ENPP1: variants seen among roughly 807,000 people sequenced by gnomAD.
The protein encoded by ENPP1 is ectonucleotide pyrophosphatase/phosphodiesterase family member 1.
In ENPP1, 73 loss-of-function variants were observed where a neutral mutation model predicts 122.8. The ratio of observed to expected loss-of-function variants is 0.59; its 90% CI spans 0.49 to 0.72. The LOEUF is 0.72. Among genes scored for constraint, ENPP1 ranks in the 30% least tolerant of loss-of-function variants. The probability of loss-of-function intolerance (pLI) is 0.00; values close to 1 mark genes in which losing one functional copy is unlikely to be tolerated. For missense variants in ENPP1, 978 were observed against 1,128.1 expected (o/e 0.87, Z 1.91); for synonymous variants, 367 against 391.6 (o/e 0.94, Z 0.74).
At chr6:131,824,847 G>A (rs1296178026) in intron 1 of ENPP1, among the ~76,000 whole-genome samples, 1 of 152,082 alleles carries the variant, frequency 6.6e-6, no homozygotes, top group African/African-American at 2.4e-5. Context: ...GATCACTTGA[G>A]CCAAGAGTTC....
chr6:131,882,339 C>G lies in ENPP1; in HGVS notation c.2101-6C>G. 1 of 1,596,098 alleles carries G rather than the reference C, an allele frequency of 6.3e-7. No individual in the cohort carries two copies. The highest frequency in any genetic ancestry group is 8.6e-7 in the Non-Finnish European group (1 of 1,168,732). ...TCTGAGAGTTCTTCTCATTTTCGTT[C>G]TTCAGGACAGTTTCTCTACGGAAGA... On this transcript the variant is annotated splice_region_variant and splice_polypyrimidine_tract_variant and intron_variant, in intron 20 of 24. Coordinates refer to ENST00000647893, the MANE Select transcript of ENPP1 (RefSeq NM_006208.3).
At chr6:131,858,279 C>G (rs562253055) in intron 6 of ENPP1, among the ~76,000 whole-genome samples, 1 of 152,306 alleles carries the variant, frequency 6.6e-6, no homozygotes, top group Admixed American at 6.5e-5. Flanking sequence ...GTCTTCCCAG[C>G]TACTCCTTCA....
chr6:131,869,051 G>A (rs1782125159), intron 12 of ENPP1, among the ~76,000 whole-genome samples: 1 of 152,160 alleles, frequency 6.6e-6, no homozygotes, highest in Admixed American at 6.5e-5. Context: ...GTGGTTTGGG[G>A]CAAATAACTG....
intron 1 of ENPP1, chr6:131,827,633 T>C: frequency 1.7e-6 from 1 of 602,480 alleles, no homozygotes; most frequent in Non-Finnish European, 3.1e-6. Context: ...TTGACTATTA[T>C]CTGCTTCAGA....
chr6:131,881,015 T>C (rs1037036691), intron 20 of ENPP1, among the ~76,000 whole-genome samples: 1 of 152,126 alleles, frequency 6.6e-6, no homozygotes, highest in Non-Finnish European at 1.5e-5. Context: ...GATGAGATTT[T>C]GATCTTACGT....
At chr6:131,854,173 G>A (rs1203713518) in intron 5 of ENPP1, among the ~76,000 whole-genome samples, 1 of 152,114 alleles carries the variant, frequency 6.6e-6, no homozygotes, top group Admixed American at 6.6e-5. Context: ...GGGAGGCCGA[G>A]GTGGGAAGAT....
chr6:131,885,610 G>T (rs1782367544), intron 23 of ENPP1, among the ~76,000 whole-genome samples: 1 of 152,098 alleles, frequency 6.6e-6, no homozygotes, highest in South Asian at 2.1e-4. Flanking sequence ...GAAACTGGTT[G>T]ATCTTTATTG....
At chr6:131,825,070 C>G (rs963635668) in intron 1 of ENPP1, among the ~76,000 whole-genome samples, 2 of 150,180 alleles carry the variant, frequency 1.3e-5, no homozygotes, top group Non-Finnish European at 3.0e-5. Context: ...AAAAAAAAAA[C>G]AAACAAACAA....
chr6:131,864,020 A>G (rs1202844388), intron 9 of ENPP1, among the ~76,000 whole-genome samples: 1 of 152,164 alleles, frequency 6.6e-6, no homozygotes, highest in African/African-American at 2.4e-5. Flanking sequence ...AACTAATTGT[A>G]CTTGGGGTGG....
intron 2 of ENPP1, 42 bp from the exon 3 acceptor site, chr6:131,849,948 A>G (rs1302617210): frequency 2.9e-6 from 4 of 1,359,202 alleles, no homozygotes; most frequent in Non-Finnish European, 3.2e-6. Context: ...TTTGAATTAT[A>G]TAATGATTAG....
intron 15 of ENPP1, 42 bp from the exon 16 acceptor site, chr6:131,874,226 T>A: frequency 9.2e-7 from 1 of 1,089,164 alleles, no homozygotes; most frequent in South Asian, 1.3e-5. Flanking sequence ...TTATGTTTTA[T>A]GAAAGGACTT....
At chr6:131,823,797 G>A (rs1315825357) in intron 1 of ENPP1, among the ~76,000 whole-genome samples, 1 of 151,870 alleles carries the variant, frequency 6.6e-6, no homozygotes, top group South Asian at 2.1e-4. Context: ...AGTGTAAATC[G>A]CATCTCTGCC....
At chr6:131,840,986 A>G (rs937864358) in intron 1 of ENPP1, among the ~76,000 whole-genome samples, 4 of 152,146 alleles carry the variant, frequency 2.6e-5, no homozygotes, top group African/African-American at 9.7e-5. Context: ...TCATGTGACT[A>G]GTTATGTAAA....
At position 131,869,551 on chromosome 6, in the gene ENPP1, G is replaced by A. The variant is rs562480972; in HGVS notation, c.1405+62G>A. On this transcript the variant is annotated intron_variant, in intron 13 of 24. Coordinates refer to ENST00000647893, the MANE Select transcript of ENPP1 (RefSeq NM_006208.3). ...TATTAAGAATACCTTCCTTTAGGCC[G>A]GGCACAGTGGCTCATGCCTGTAATC... The A allele has an allele frequency of 3.0e-4, 468 of 1,542,488 alleles. 4 individuals are homozygous for A. The South Asian group carries it at 4.6e-3, about 15-fold the overall frequency.
chr6:131,884,233 T>C (rs1441176319), intron 22 of ENPP1, among the ~76,000 whole-genome samples: 1 of 152,246 alleles, frequency 6.6e-6, no homozygotes, highest in Non-Finnish European at 1.5e-5. Context: ...AAGGAGTTTT[T>C]AGTCTAATTT....
At chr6:131,883,631 G>A (rs1337955290) in intron 21 of ENPP1, 63 bp from the exon 22 acceptor site, 4 of 871,700 alleles carry the variant, frequency 4.6e-6, no homozygotes, top group Non-Finnish European at 7.8e-6. Flanking sequence ...CTAACCATGA[G>A]AAACTATAAT....
chr6:131,831,976 G>A (rs1230388248), intron 1 of ENPP1, among the ~76,000 whole-genome samples: 3 of 152,062 alleles, frequency 2.0e-5, no homozygotes, highest in Non-Finnish European at 4.4e-5. Context: ...TTTCAGTATG[G>A]AGTCATTAAT....
chr6:131,830,779 A>G (rs949157718), intron 1 of ENPP1, among the ~76,000 whole-genome samples: 3 of 152,122 alleles, frequency 2.0e-5, no homozygotes, highest in Non-Finnish European at 4.4e-5. Context: ...TTATATATGT[A>G]TATGGGTTTG....
chr6:131,835,518 C>A (rs1781663212), intron 1 of ENPP1, among the ~76,000 whole-genome samples: 1 of 152,118 alleles, frequency 6.6e-6, no homozygotes, highest in Non-Finnish European at 1.5e-5. Flanking sequence ...CAAATCTATA[C>A]TATGTTTATC....
Sources: allele counts gnomAD v4.1 joint callset (sites outside exome capture counted in the v4.1 genomes callset), GRCh38; gene constraint gnomAD v4.1.1; transcripts MANE v1.5; gene names NCBI Gene and HGNC (gene_info 2026-07-23, HGNC 2026-07-21).